Variants in CD8A observed in about 807,000 individuals in gnomAD.
CD8A encodes the protein CD8 subunit alpha, also known as T-cell surface glycoprotein CD8 alpha chain.
A neutral mutation model predicts 24.2 loss-of-function variants in CD8A; 25 were observed. The ratio of observed to expected loss-of-function variants is 1.03; its 90% CI spans 0.75 to 1.44. The LOEUF (loss-of-function observed/expected upper bound fraction) is 1.44, where lower values mean the gene tolerates loss of function less well. CD8A is among the 40% of genes most tolerant of loss of function. The pLI is 0.00. For synonymous variants in CD8A, 165 were observed against 149.9 expected (o/e 1.10, Z -0.74); for missense variants, 360 against 319.7 (o/e 1.13, Z -0.96).
At chr2:86,790,259 G>A (rs545865709) in intron 2 of CD8A, 69 bp downstream of exon 2, 1 of 1,114,876 alleles carries the variant, frequency 9.0e-7, no homozygotes, top group Non-Finnish European at 1.4e-6. Flanking sequence ...GCAGGGCCCA[G>A]GTGTGGAAAA....
intron 5 of CD8A, among the ~76,000 whole-genome samples, chr2:86,786,712 C>T (rs930593238): frequency 6.6e-5 from 10 of 152,082 alleles, no homozygotes; most frequent in Admixed American, 2.0e-4. Context: ...CCAAAGTGCA[C>T]CCTGAATAAT....
At chr2:86,789,473 G>C (rs545835392) in intron 3 of CD8A, 40 bp from the exon 4 acceptor site, 40 of 1,509,834 alleles carry the variant, frequency 2.6e-5, no homozygotes, top group Non-Finnish European at 9.2e-6. Flanking sequence ...GAGAGGGCCC[G>C]GGACCTCCCA....
exon 1 of CD8A, chr2:86,808,201 G>C (rs1030312956): frequency 6.6e-6 from 1 of 152,526 alleles, no homozygotes; most frequent in Non-Finnish European, 1.5e-5. Flanking sequence ...CTCCTGAGGG[G>C]GTCAGGGCCT....
chr2:86,788,397 C>T, intron 5 of CD8A, 133 bp downstream of exon 5: 3 of 762,280 alleles, frequency 3.9e-6, no homozygotes, highest in Non-Finnish European at 7.0e-6. Flanking sequence ...CAGGAACTGG[C>T]TGACTCCCTG....
rs755895247 is a variant in CD8A at position 86,790,421 on chromosome 2, C to T, written c.310G>A (p.Asp104Asn). The change falls in exon 2 of 6, where the codon GAC becomes AAC. Residue 104 changes from aspartate to asparagine, a missense_variant. Transcript: ENST00000283635. ...TAGCCCTCGTTCTCTCGGCGGAAGTCGCTCAGGGTGAGGACGAAGGTGTCC... is the reference window on the plus strand; with the variant it reads ...TAGCCCTCGTTCTCTCGGCGGAAGTTGCTCAGGGTGAGGACGAAGGTGTCC... ...LGDTFVLTLS[D>N]FRRENEGYYF... The T allele has an allele frequency of 3.7e-6, 6 of 1,614,154 alleles. No homozygotes were observed. The Admixed American group carries it at 1.0e-4, about 27-fold the overall frequency.
chr2:86,794,381 T>C (rs1219031886), upstream of CD8A, among the ~76,000 whole-genome samples: 1 of 152,182 alleles, frequency 6.6e-6, no homozygotes, highest in Non-Finnish European at 1.5e-5. Flanking sequence ...TCCTAAGACA[T>C]GAACTGCAGG....
intron 5 of CD8A, among the ~76,000 whole-genome samples, chr2:86,788,286 T>A: frequency 7.9e-6 from 1 of 126,648 alleles, no homozygotes. Context: ...TCAAATAAGA[T>A]GGAGATTTAC....
upstream of CD8A, chr2:86,790,981 C>CGAGGA (rs1558736156): frequency 1.3e-6 from 1 of 788,612 alleles, no homozygotes; most frequent in East Asian, 2.7e-5. Flanking sequence ...AAGCCCCCGC[C>CGAGGA]GAGGAGAGTC....
intron 3 of CD8A, among the ~76,000 whole-genome samples, chr2:86,797,295 G>C (rs1448382979): frequency 6.6e-6 from 1 of 152,120 alleles, no homozygotes; most frequent in East Asian, 1.9e-4. Flanking sequence ...ACATACAGAA[G>C]AGTATATGGA....
At chr2:86,789,256 T>C (rs1479309154) in intron 4 of CD8A, 67 bp downstream of exon 4, 1 of 1,055,348 alleles carries the variant, frequency 9.5e-7, no homozygotes, top group Non-Finnish European at 1.5e-6. Context: ...AAGGTCCGCC[T>C]GGAGCTAGCA....
chr2:86,791,252 C>T (rs1305339560), upstream of CD8A: 3 of 378,630 alleles, frequency 7.9e-6, no homozygotes, highest in Non-Finnish European at 1.5e-5. Context: ...TTTGCCTTCA[C>T]TAAAGGCGTC....
Position 86,790,368 on chromosome 2 carries a change from G to A in CD8A, c.363C>T (p.Ser121=). The change falls in exon 2 of 6, where the codon TCC becomes TCT. Residue 121 remains serine (S), a synonymous_variant. Transcript: ENST00000283635. ...GYYFCSALSN[S]IMYFSHFVPV... is the part of the protein sequence containing the mutation. The stretch of plus-strand genomic sequence containing the variant: ...GCACGAAGTGGCTGAAGTACATGAT[G>A]GAGTTGCTCAGGGCCGAGCAGAAAT... 1.2e-6 allele frequency: 2 copies of A among 1,614,074 alleles called. No homozygotes were observed. The highest frequency in any genetic ancestry group is 1.3e-5 in the African/African-American group (1 of 75,050).
chr2:86,799,497 T>C (rs1472389804), intron 3 of CD8A, among the ~76,000 whole-genome samples: 2 of 151,344 alleles, frequency 1.3e-5, no homozygotes, highest in Admixed American at 1.3e-4. Context: ...TGGCTCACGC[T>C]TGTAATCCCA....
At chr2:86,804,233 G>C (rs1483233090) in intron 2 of CD8A, among the ~76,000 whole-genome samples, 2 of 152,070 alleles carry the variant, frequency 1.3e-5, no homozygotes, top group Non-Finnish European at 2.9e-5. Context: ...ACATAGAGTG[G>C]AATATTATTC....
intron 5 of CD8A, among the ~76,000 whole-genome samples, chr2:86,787,036 A>AAAAAAAAAAAAG (rs1375316030): frequency 4.3e-5 from 6 of 141,074 alleles, no homozygotes; most frequent in Non-Finnish European, 7.7e-5. Context: ...AAAAAAAAAA[A>AAAAAAAAAAAAG]AAAAGAAAAG....
chr2:86,803,469 C>T (rs770605874), intron 2 of CD8A, among the ~76,000 whole-genome samples: 8 of 152,136 alleles, frequency 5.3e-5, no homozygotes, highest in Non-Finnish European at 1.0e-4. Flanking sequence ...ATAACCTAGA[C>T]GGGCCTGGAG....
Position 86,790,379 on chromosome 2 carries a change from G to A in CD8A, c.352C>T (p.Leu118=), listed in dbSNP as rs1673227300. 6 of 1,614,130 alleles carry A rather than the reference G, an allele frequency of 3.7e-6. No homozygotes were observed. Among genetic ancestry groups the A allele is most frequent in the Non-Finnish European group, 4.2e-6 (5 of 1,180,036 alleles). The part of the protein sequence containing the change: ...ENEGYYFCSA[L]SNSIMYFSHF... Reference sequence around the variant, plus strand: ...CTGAAGTACATGATGGAGTTGCTCAGGGCCGAGCAGAAATAGTAGCCCTCG... The same window carrying A: ...CTGAAGTACATGATGGAGTTGCTCAAGGCCGAGCAGAAATAGTAGCCCTCG... The change falls in exon 2 of 6, where the codon CTG becomes TTG. Residue 118 remains leucine (L), a synonymous_variant. Transcript: ENST00000283635.
chr2:86,793,418 ATGTGTG>A (rs142293668), upstream of CD8A, among the ~76,000 whole-genome samples: 1 of 151,374 alleles, frequency 6.6e-6, no homozygotes, highest in Non-Finnish European at 1.5e-5. Flanking sequence ...CGATGTATGC[ATGTGTG>A]TGTGTGTGTG....
intron 4 of CD8A, among the ~76,000 whole-genome samples, 190 bp downstream of exon 4, chr2:86,789,133 G>C (rs1013001185): frequency 9.2e-5 from 14 of 152,186 alleles, no homozygotes; most frequent in Admixed American, 5.9e-4. Flanking sequence ...ACCTCTCCGA[G>C]AGCGCAAGGA....
Sources: gnomAD v4.1 joint callset for allele counts (sites outside exome capture counted in the v4.1 genomes callset) on GRCh38, gnomAD v4.1.1 for gene constraint, MANE v1.5 for transcripts, NCBI Gene and HGNC (gene_info 2026-07-23, HGNC 2026-07-21) for gene names.